The following ZEB2 variants were observed in gnomAD, a reference collection of about 807,000 sequenced individuals.
ZEB2 encodes zinc finger E-box binding homeobox 2, also known as zinc finger E-box-binding homeobox 2.
A neutral mutation model predicts 99.9 loss-of-function variants in ZEB2; 6 were observed. That is an observed-to-expected ratio of 0.06 (90% CI 0.03 to 0.12). The LOEUF is 0.12. ZEB2 is among the 10% of genes least tolerant of loss of function. The pLI, the probability that ZEB2 is intolerant of heterozygous loss-of-function variation, is 1.00. For missense variants in ZEB2, 969 were observed against 1,502.8 expected, an observed-to-expected ratio of 0.64 and a Z score of 5.87; for synonymous variants, 517 against 542.5, an observed-to-expected ratio of 0.95 and a Z score of 0.65.
chr2:144,517,993 T>G (rs1422995929), intron 1 of ZEB2: 1 of 184,648 alleles, frequency 5.4e-6, no homozygotes, highest in Non-Finnish European at 9.6e-6. Context: ...TGTCTCTTCC[T>G]CCCCCCACCC....
chr2:144,497,651 T>A (rs1704784287), intron 2 of ZEB2: 1 of 166,772 alleles, frequency 6.0e-6, no homozygotes, highest in Admixed American at 6.7e-5. Flanking sequence ...AATAGCAGAA[T>A]GAACTGAGTT....
Position 144,517,369 on chromosome 2 carries a change from T to A in ZEB2, c.-19A>T. On this transcript the variant is annotated 5_prime_UTR_variant, in exon 2 of 10. Coordinates refer to ENST00000627532, the MANE Select transcript of ZEB2 (RefSeq NM_014795.4). ...GCTTCATTGATAAGAGCGGATCAGA[T>A]GGCAGTTCGCATGGACTCGGCGCCC... 6.2e-7 allele frequency: 1 copy of A among 1,613,616 alleles called. No homozygotes were observed. The highest frequency in any genetic ancestry group is 8.5e-7 in the Non-Finnish European group (1 of 1,179,814).
chr2:144,428,116 G>A (rs1385194192), intron 3 of ZEB2: 1 of 152,124 alleles, frequency 6.6e-6, no homozygotes, highest in Non-Finnish European at 1.5e-5. Flanking sequence ...TCTTCTAAGG[G>A]TGGAAATTCT....
chr2:144,443,872 A>C (rs1331595636), intron 2 of ZEB2, among the ~76,000 whole-genome samples: 1 of 152,174 alleles, frequency 6.6e-6, no homozygotes, highest in East Asian at 1.9e-4. Context: ...AAAAAAAAAA[A>C]AACAGTTTGT....
In ZEB2 at chr2:144,488,670, A is replaced by AGTGTGTGTGTGTGT. The variant is rs57221448; in HGVS notation, c.73+28594_73+28607dup. ...TCTTAAGGATAATTGCTCGTGTGTGAGTGTGTGTGTGTGTGTGTGTGTGTG... is the reference window on the plus strand; with the variant it reads ...TCTTAAGGATAATTGCTCGTGTGTGAGTGTGTGTGTGTGTGTGTGTGTGTGTGTGTGTGTGTGTG... On this transcript the variant is annotated intron_variant, in intron 2 of 9. Transcript: ENST00000627532. Among the ~76,000 whole-genome samples, 748 of 148,122 alleles carry AGTGTGTGTGTGTGT rather than the reference A, an allele frequency of 5.0e-3. 9 individuals are homozygous for AGTGTGTGTGTGTGT. Among genetic ancestry groups the AGTGTGTGTGTGTGT allele is most frequent in the African/African-American group, 0.018 (703 of 39,994 alleles).
intron 2 of ZEB2, chr2:144,511,241 A>G (rs141808802): frequency 2.7e-4 from 82 of 308,116 alleles, no homozygotes; most frequent in African/African-American, 1.7e-3. Flanking sequence ...TGTGGGCTAC[A>G]TATATGCATA....
chr2:144,428,521 A>T (rs1432771442), intron 3 of ZEB2: 1 of 152,216 alleles, frequency 6.6e-6, no homozygotes, highest in Non-Finnish European at 1.5e-5. Context: ...ATAAATGTTT[A>T]TGTGTGGGAT....
intron 9 of ZEB2, 36 bp from the exon 10 acceptor site, chr2:144,390,064 T>C (rs2149872749): frequency 6.3e-7 from 1 of 1,593,930 alleles, no homozygotes; most frequent in South Asian, 1.1e-5. Flanking sequence ...GTGATTAGTG[T>C]CTTTGCATGA....
chr2:144,482,137 T>C (rs1704521978), intron 2 of ZEB2: 1 of 152,462 alleles, frequency 6.6e-6, no homozygotes, highest in Non-Finnish European at 1.5e-5. Flanking sequence ...TCATTTTCTC[T>C]TTTTGCAGAA....
intron 2 of ZEB2, chr2:144,513,537 C>T: frequency 6.5e-7 from 1 of 1,529,126 alleles, no homozygotes; most frequent in South Asian, 1.2e-5. Flanking sequence ...CTGAAACAAG[C>T]AGTTTCCGGA....
intron 2 of ZEB2, among the ~76,000 whole-genome samples, chr2:144,438,897 A>C (rs1162851591): frequency 6.6e-6 from 1 of 152,120 alleles, no homozygotes; most frequent in Non-Finnish European, 1.5e-5. Context: ...GCACCTCACA[A>C]TTGACAAAAC....
chr2:144,393,709 T>C (rs1262160309), intron 9 of ZEB2, among the ~76,000 whole-genome samples: 1 of 152,122 alleles, frequency 6.6e-6, no homozygotes. Context: ...AGTAGTAATG[T>C]CATGAGATGT....
chr2:144,438,816 T>C (rs1234807353), intron 2 of ZEB2, among the ~76,000 whole-genome samples: 1 of 152,152 alleles, frequency 6.6e-6, no homozygotes, highest in Non-Finnish European at 1.5e-5. Context: ...GTGTAGTATG[T>C]TTAAAACTGC....
Position 144,389,617 on chromosome 2 carries a change from A to T in ZEB2, c.3479T>A (p.Phe1160Tyr), listed in dbSNP as rs1461383220. 2 of 1,613,684 alleles carry T rather than the reference A, an allele frequency of 1.2e-6. No homozygotes were observed. Among genetic ancestry groups the T allele is most frequent in the Non-Finnish European group, 1.7e-6 (2 of 1,179,968 alleles). The change falls in exon 10 of 10, where the codon TTC (phenylalanine) becomes TAC (tyrosine). Residue 1160 changes from phenylalanine (F) to tyrosine (Y), a missense_variant. Phe to Tyr is a conservative substitution (Grantham distance 22). Transcript: ENST00000627532. The surrounding 1 kb of genome is among the most constrained non-coding windows in gnomAD (Gnocchi z 6.8). ...KLGRQDGDEE[F>Y]EEEEEESENK... The stretch of plus-strand genomic sequence containing the variant: ...TTCACTTTCTTCCTCTTCCTCCTCG[A>T]ACTCCTCGTCGCCATCCTGTCTGCC...
rs953840043 is a variant in ZEB2, at chr2:144,384,297, GCAT to G, written c.*5151_*5153del. On this transcript the variant is annotated 3_prime_UTR_variant, in exon 10 of 10. Coordinates refer to ENST00000627532, the MANE Select transcript of ZEB2 (RefSeq NM_014795.4). ...AAAGTTTTAGCTTGTGGCATATTCAGCATCATATTATCTCGGTGCCATTTCTCT... is the reference window on the plus strand; with the variant it reads ...AAAGTTTTAGCTTGTGGCATATTCAGCATATTATCTCGGTGCCATTTCTCT... 2.6e-5 allele frequency: 4 copies of G among 151,960 alleles called. No homozygotes were observed. The highest frequency in any genetic ancestry group is 9.7e-5 in the African/African-American group (4 of 41,372). The allele number at this position is 151,960 out of a possible 1,614,324, so 9.4% of individuals were successfully genotyped here.
At chr2:144,492,831 C>T (rs576773822) in intron 2 of ZEB2, among the ~76,000 whole-genome samples, 12 of 152,322 alleles carry the variant, frequency 7.9e-5, no homozygotes, top group African/African-American at 2.9e-4. Flanking sequence ...CTTTTTTCTA[C>T]ATATGATAAT....
chr2:144,394,407 TAG>T (rs1338002939), intron 9 of ZEB2: 1 of 152,152 alleles, frequency 6.6e-6, no homozygotes, highest in African/African-American at 2.4e-5. Context: ...TAGTAAATGA[TAG>T]AGTTTGCATA....
chr2:144,451,839 G>A (rs991825680), intron 2 of ZEB2, among the ~76,000 whole-genome samples: 2 of 152,128 alleles, frequency 1.3e-5, no homozygotes, highest in Non-Finnish European at 1.5e-5. Context: ...TGGACACATC[G>A]GTACGCATGC....
intron 2 of ZEB2, among the ~76,000 whole-genome samples, chr2:144,486,947 G>A (rs1428986449): frequency 6.6e-6 from 1 of 152,146 alleles, no homozygotes; most frequent in Non-Finnish European, 1.5e-5. Flanking sequence ...TATTTTGCAG[G>A]TGTATTGGTG....
Sources: allele counts gnomAD v4.1 joint callset (sites outside exome capture counted in the v4.1 genomes callset), GRCh38; gene constraint gnomAD v4.1.1; non-coding constraint Gnocchi (gnomAD v3.1); transcripts MANE v1.5; gene names NCBI Gene and HGNC (gene_info 2026-07-23, HGNC 2026-07-21).